Variants in DPH7 observed in about 807,000 individuals in gnomAD.
The protein encoded by DPH7 is diphthamide biosynthesis 7.
In DPH7, 44 loss-of-function variants were observed where a neutral mutation model predicts 41.7. The observed-to-expected ratio is 1.05, with a 90% confidence interval of 0.83 to 1.36. The LOEUF (loss-of-function observed/expected upper bound fraction) is 1.36. Among genes scored for constraint, DPH7 ranks in the 40% most tolerant of loss-of-function variants. The pLI is 0.00. For synonymous variants in DPH7, 275 were observed against 238.0 expected (o/e 1.16, Z -1.43); for missense variants, 629 against 577.5 (o/e 1.09, Z -0.91).
chr9:137,570,428 A>C (rs1840237450), intron 5 of DPH7, among the ~76,000 whole-genome samples: 1 of 152,156 alleles, frequency 6.6e-6, no homozygotes, highest in South Asian at 2.1e-4. Flanking sequence ...TCCAGAACCC[A>C]ACCACTGGTC....
At chr9:137,559,311 C>A (rs1228930078) in intron 8 of DPH7, among the ~76,000 whole-genome samples, 1 of 152,176 alleles carries the variant, frequency 6.6e-6, no homozygotes, top group East Asian at 1.9e-4. Context: ...AGCGGTGACG[C>A]CAGCATCTGG....
At position 137,574,198 on chromosome 9, in the gene DPH7, G is replaced by A. The variant is rs755768801; in HGVS notation, c.640+10C>T. On this transcript the variant is annotated intron_variant, in intron 5 of 8. Coordinates refer to ENST00000277540, the MANE Select transcript of DPH7 (RefSeq NM_138778.5). ...CTTCCATCAGAGGTGACCGGTGGAG[G>A]AATACTGACCTGAATACACAATTTC... 1.2e-5 allele frequency: 19 copies of A among 1,612,614 alleles called. No homozygotes were observed. Among genetic ancestry groups the A allele is most frequent in the Non-Finnish European group, 1.6e-5 (19 of 1,178,964 alleles).
chr9:137,564,099 G>A (rs542645772), intron 8 of DPH7, among the ~76,000 whole-genome samples: 3 of 152,176 alleles, frequency 2.0e-5, no homozygotes, highest in Non-Finnish European at 2.9e-5. Flanking sequence ...AAGAGCATGG[G>A]AGAGCACAGA....
chr9:137,558,984 G>A (rs1372351625), intron 8 of DPH7, among the ~76,000 whole-genome samples: 1 of 152,096 alleles, frequency 6.6e-6, no homozygotes, highest in African/African-American at 2.4e-5. Flanking sequence ...ACTAAATTGT[G>A]GGCGGCAAGC....
At position 137,565,162 on chromosome 9, in the gene DPH7, G is replaced by A; in HGVS notation, c.641-8C>T. On this transcript the variant is annotated splice_region_variant and splice_polypyrimidine_tract_variant and intron_variant, in intron 5 of 8. Transcript: ENST00000277540. Reference sequence around the variant, plus strand: ...GAAGGCCATCGTCGCCCCCTGTGTGGAGAAAGAGAAGCATCAACACCACTA... The same window carrying A: ...GAAGGCCATCGTCGCCCCCTGTGTGAAGAAAGAGAAGCATCAACACCACTA... 1 of 1,613,934 alleles carries A rather than the reference G, an allele frequency of 6.2e-7. No homozygotes were observed. The highest frequency in any genetic ancestry group is 8.5e-7 in the Non-Finnish European group (1 of 1,179,972).
At chr9:137,572,634 TCA>T (rs1042494421) in intron 5 of DPH7, among the ~76,000 whole-genome samples, 1 of 152,150 alleles carries the variant, frequency 6.6e-6, no homozygotes, top group Admixed American at 6.5e-5. Context: ...CTGTCTTTTC[TCA>T]GAGACCCGCC....
chr9:137,578,719 T>A lies in DPH7; in HGVS notation c.59A>T (p.Glu20Val). Reference sequence around the variant, plus strand: ...CCTGCAGCCTTGCAGCGGGCACCACTCCACCGAGTCCGCGGTCAGCTCGGT... The same window carrying A: ...CCTGCAGCCTTGCAGCGGGCACCACACCACCGAGTCCGCGGTCAGCTCGGT... ...VDTELTADSV[E>V]WCPLQGCRHL... is the part of the protein sequence containing the mutation. Residue 20 changes from glutamate (E) to valine (V), a missense_variant, in exon 1 of 9, where the codon GAG becomes GTG. Transcript: ENST00000277540. 1 of 1,528,588 alleles carries A rather than the reference T, an allele frequency of 6.5e-7. No homozygotes were observed. Among genetic ancestry groups the A allele is most frequent in the Non-Finnish European group, 8.8e-7 (1 of 1,138,866 alleles). 94.7% of individuals were successfully genotyped at this position (1,528,588 alleles called of 1,614,324 possible).
chr9:137,573,360 C>CAAAA (rs34523698), intron 5 of DPH7, among the ~76,000 whole-genome samples: 75 of 40,266 alleles, frequency 1.9e-3, no homozygotes, highest in African/African-American at 2.7e-3. Context: ...GACTCCATCT[C>CAAAA]AAAAAAAAAA....
At chr9:137,562,276 A>G (rs1280864651) in intron 8 of DPH7, among the ~76,000 whole-genome samples, 1 of 152,226 alleles carries the variant, frequency 6.6e-6, no homozygotes, top group African/African-American at 2.4e-5. Context: ...AGCCAACAGC[A>G]GCAGAACACA....
rs1564428937 is a variant in DPH7 at position 137,564,600 on chromosome 9, A to G, written c.783T>C (p.Asp261=). The part of the protein sequence containing the change: ...REHILATGSY[D]EHILLWDTRN... ...GTGTGTCCCACAGTAGGATGTGTTC[A>G]TCATAGCTGAAACCGACCAACCACA... Residue 261 remains aspartate (D), a synonymous_variant, in exon 8 of 9, where the codon GAT becomes GAC. Coordinates refer to ENST00000277540, the MANE Select transcript of DPH7 (RefSeq NM_138778.5). The G allele has an allele frequency of 6.2e-7, 1 of 1,610,240 alleles. No homozygotes were observed.
At chr9:137,575,359 T>G (rs1282347126) in intron 3 of DPH7, 4 of 988,452 alleles carry the variant, frequency 4.0e-6, no homozygotes. Context: ...GGCCAGTGCT[T>G]AACTCCATCC....
rs142386200 is a variant in DPH7, at chr9:137,561,788, T to C, written c.949+2646A>G. On this transcript the variant is annotated intron_variant, in intron 8 of 8. Coordinates refer to ENST00000277540, the MANE Select transcript of DPH7 (RefSeq NM_138778.5). ...ACATATATAAAAGAGATCCCCAAAA[T>C]ACGTGAAGTAAAAACTGATGGAAAC... Among the ~76,000 whole-genome samples the C allele has an allele frequency of 1.9e-4, 29 of 152,264 alleles. No individual in the cohort carries two copies. In the East Asian group the frequency reaches 5.2e-3, roughly 27 times the overall value.
At position 137,564,911 on chromosome 9, in the gene DPH7, T is replaced by C. The variant is rs771871783; in HGVS notation, c.758A>G (p.His253Arg). The C allele has an allele frequency of 3.4e-5, 54 of 1,596,548 alleles. No individual in the cohort carries two copies. Among genetic ancestry groups the C allele is most frequent in the Non-Finnish European group, 4.5e-5 (53 of 1,171,654 alleles). The change falls in exon 7 of 9, where the codon CAC becomes CGC. Residue 253 changes from histidine (H) to arginine (R), a missense_variant. Transcript: ENST00000277540. The part of the protein sequence containing the change: ...CSIQSSPHRE[H>R]ILATGSYDEH... The stretch of plus-strand genomic sequence containing the variant: ...GACTCACCTTCCCGTGGCCAGGATG[T>C]GCTCCCGATGAGGGCTGCTCTGGAT...
Position 137,577,396 on chromosome 9 carries a change from G to A in DPH7, c.287+74C>T, listed in dbSNP as rs1489598963. Reference sequence around the variant, plus strand: ...GAGATGCAATGCCTGTCTTGTTGAAGGCATCAGGCATCAGGCTTCCCTGAT... The same window carrying A: ...GAGATGCAATGCCTGTCTTGTTGAAAGCATCAGGCATCAGGCTTCCCTGAT... On this transcript the variant is annotated intron_variant, in intron 2 of 8. Transcript: ENST00000277540. The A allele has an allele frequency of 5.6e-6, 8 of 1,417,222 alleles. No homozygotes were observed. In the Middle Eastern group the frequency reaches 7.2e-4, roughly 127 times the overall value. The allele number at this position is 1,417,222 out of a possible 1,614,324, so 87.8% of individuals were successfully genotyped here.
At chr9:137,570,004 C>CATCT (rs1840147403) in intron 5 of DPH7, among the ~76,000 whole-genome samples, 1 of 150,552 alleles carries the variant, frequency 6.6e-6, no homozygotes, top group Non-Finnish European at 1.5e-5. Flanking sequence ...AGTCACCCAC[C>CATCT]ATCTATCCAC....
chr9:137,576,845 G>A (rs911791293), intron 2 of DPH7, among the ~76,000 whole-genome samples: 3 of 151,448 alleles, frequency 2.0e-5, no homozygotes, highest in Non-Finnish European at 4.4e-5. Flanking sequence ...AGCCGAGACC[G>A]CGCCACTGCA....
In DPH7 at chr9:137,555,627, ACCGTCGCCTC is replaced by A; in HGVS notation, c.961_970del (p.Glu321SerfsTer2). 8 of 1,605,024 alleles carry A rather than the reference ACCGTCGCCTC, an allele frequency of 5.0e-6. No individual in the cohort carries two copies. Among genetic ancestry groups the A allele is most frequent in the Non-Finnish European group, 6.8e-6 (8 of 1,174,136 alleles). ...GTCGGGCAATGTGTGAGATGTCAGGACCGTCGCCTCCTGCCTCTCCTCTGGAGTGAGAGAT... is the reference window on the plus strand; with the variant it reads ...GTCGGGCAATGTGTGAGATGTCAGGACTGCCTCTCCTCTGGAGTGAGAGAT... On this transcript the variant is annotated frameshift_variant, in exon 9 of 9. Coordinates refer to ENST00000277540, the MANE Select transcript of DPH7 (RefSeq NM_138778.5). LOFTEE classifies it low-confidence loss of function (END_TRUNC).
intron 1 of DPH7, 92 bp from the exon 2 acceptor site, chr9:137,577,695 C>A: frequency 1.3e-6 from 2 of 1,507,474 alleles, no homozygotes; most frequent in Non-Finnish European, 1.8e-6. Flanking sequence ...CAAAGGTTTG[C>A]CATGACTAAA....
chr9:137,561,926 G>T (rs1416210585), intron 8 of DPH7, among the ~76,000 whole-genome samples: 1 of 152,088 alleles, frequency 6.6e-6, no homozygotes, highest in East Asian at 1.9e-4. Context: ...GTGCAGTGGC[G>T]CGATCTCGGC....
Sources: allele counts gnomAD v4.1 joint callset (sites outside exome capture counted in the v4.1 genomes callset), GRCh38; gene constraint gnomAD v4.1.1; transcripts MANE v1.5; gene names NCBI Gene and HGNC (gene_info 2026-07-23, HGNC 2026-07-21).